The following PABPC4L variants were observed in gnomAD, a reference collection of about 807,000 sequenced individuals.
The protein encoded by PABPC4L is polyadenylate-binding protein 4-like.
For synonymous variants in PABPC4L, 169 were observed against 164.1 expected (o/e 1.03, Z -0.23); for missense variants, 452 against 451.4 (o/e 1.00, Z -0.01).
chr4:134,006,569 C>A, the PABPC4L span, among the ~76,000 whole-genome samples: 1 of 151,844 alleles, frequency 6.6e-6, no homozygotes, highest in Non-Finnish European at 1.5e-5. Context: ...TATGCTTGTG[C>A]CTACAGCAAG....
chr4:133,951,562 AG>A, the PABPC4L span, among the ~76,000 whole-genome samples: 1 of 152,186 alleles, frequency 6.6e-6, no homozygotes, highest in Non-Finnish European at 1.5e-5. Flanking sequence ...AGGATCAAGA[AG>A]CTTGGAGATA....
rs1316114960 is a variant in PABPC4L at position 134,200,498 on chromosome 4, G to A, written c.522C>T (p.Asn174=). 1 of 1,551,550 alleles carries A rather than the reference G, an allele frequency of 6.4e-7. No homozygotes were observed. Among genetic ancestry groups the A allele is most frequent in the Non-Finnish European group, 8.7e-7 (1 of 1,146,976 alleles). Residue 174 remains asparagine (N), a synonymous_variant, in exon 2 of 2, where the codon AAC becomes AAT. Coordinates refer to ENST00000421491, the MANE Select transcript of PABPC4L (RefSeq NM_001114734.2). The part of the protein sequence containing the change: ...GCKVFVGRFK[N]RKDREAELRS... ...TGAGTTCAGCTTCACGATCTTTTCG[G>A]TTTTTGAATCTGCCAACAAACACCT... is the stretch of plus-strand genomic sequence containing the variant.
At chr4:134,082,621 T>G in the PABPC4L span, among the ~76,000 whole-genome samples, 1 of 152,120 alleles carries the variant, frequency 6.6e-6, no homozygotes, top group Admixed American at 6.6e-5. Flanking sequence ...AAGAACAAAA[T>G]AAGCATAATC....
the PABPC4L span, among the ~76,000 whole-genome samples, chr4:134,082,055 A>G: frequency 6.6e-6 from 1 of 152,174 alleles, no homozygotes; most frequent in Non-Finnish European, 1.5e-5. Flanking sequence ...GAGGAAATAA[A>G]GACAAAGTGA....
chr4:134,052,173 A>T, the PABPC4L span, among the ~76,000 whole-genome samples: 1 of 151,922 alleles, frequency 6.6e-6, no homozygotes, highest in Non-Finnish European at 1.5e-5. Context: ...GGGATACATC[A>T]CCTCCCTAGG....
At chr4:134,099,186 GT>G in the PABPC4L span, among the ~76,000 whole-genome samples, 1 of 151,590 alleles carries the variant, frequency 6.6e-6, no homozygotes, top group Non-Finnish European at 1.5e-5. Flanking sequence ...TAAAATATAC[GT>G]GGTGATAATA....
the PABPC4L span, among the ~76,000 whole-genome samples, chr4:134,097,159 T>G: frequency 6.6e-6 from 1 of 151,896 alleles, no homozygotes; most frequent in Non-Finnish European, 1.5e-5. Context: ...CTTGGCAAAT[T>G]TTGCCTATTA....
the PABPC4L span, among the ~76,000 whole-genome samples, chr4:134,128,177 C>T: frequency 5.3e-5 from 8 of 152,006 alleles, no homozygotes; most frequent in South Asian, 1.0e-3. Flanking sequence ...AACGACCAAA[C>T]CTAAGAATAA....
chr4:134,071,047 C>T, the PABPC4L span, among the ~76,000 whole-genome samples: 3 of 152,104 alleles, frequency 2.0e-5, no homozygotes, highest in Non-Finnish European at 4.4e-5. Flanking sequence ...GAGTACTGTT[C>T]CTGCCACCTC....
chr4:133,994,019 C>T, the PABPC4L span, among the ~76,000 whole-genome samples: 1 of 152,226 alleles, frequency 6.6e-6, no homozygotes, highest in Admixed American at 6.5e-5. Flanking sequence ...AATATTAAGG[C>T]TCCAACCTCA....
chr4:134,174,412 C>A, the PABPC4L span, among the ~76,000 whole-genome samples: 1 of 152,056 alleles, frequency 6.6e-6, no homozygotes, highest in South Asian at 2.1e-4. Context: ...ATGTGCTATA[C>A]TTTTACACCA....
chr4:134,015,637 G>A, the PABPC4L span, among the ~76,000 whole-genome samples: 6 of 152,192 alleles, frequency 3.9e-5, no homozygotes, highest in Admixed American at 1.3e-4. Context: ...TCTCCCTGCT[G>A]AGCGTGTCTG....
chr4:134,180,675 CA>C, the PABPC4L span, among the ~76,000 whole-genome samples: 1 of 151,098 alleles, frequency 6.6e-6, no homozygotes, highest in African/African-American at 2.4e-5. Context: ...CAAATAAATA[CA>C]AGCAGAAAAG....
the PABPC4L span, among the ~76,000 whole-genome samples, chr4:134,061,049 T>A: frequency 6.6e-6 from 1 of 152,010 alleles, no homozygotes; most frequent in Non-Finnish European, 1.5e-5. Flanking sequence ...AATAATTCAA[T>A]TGTGCATTTA....
the PABPC4L span, among the ~76,000 whole-genome samples, chr4:134,136,795 T>C: frequency 2.0e-5 from 3 of 152,090 alleles, no homozygotes; most frequent in Non-Finnish European, 2.9e-5. Context: ...TCTTTATTTT[T>C]CTTTCTAATT....
At chr4:134,124,321 T>C in the PABPC4L span, among the ~76,000 whole-genome samples, 30 of 152,074 alleles carry the variant, frequency 2.0e-4, no homozygotes, top group Non-Finnish European at 4.3e-4. Flanking sequence ...TTTTATCTAA[T>C]AACTACTAAA....
the PABPC4L span, among the ~76,000 whole-genome samples, chr4:133,999,060 T>C: frequency 1.2e-4 from 18 of 152,026 alleles, no homozygotes; most frequent in Non-Finnish European, 5.9e-5. Context: ...AATCTGAACA[T>C]ATAGACCTTG....
the PABPC4L span, among the ~76,000 whole-genome samples, chr4:133,997,745 G>A: frequency 2.0e-5 from 3 of 151,990 alleles, no homozygotes; most frequent in East Asian, 5.8e-4. Flanking sequence ...CAGATGTGGT[G>A]GAAACAACAA....
chr4:134,104,780 C>G, the PABPC4L span, among the ~76,000 whole-genome samples: 1 of 151,642 alleles, frequency 6.6e-6, no homozygotes, highest in African/African-American at 2.4e-5. Context: ...AGCCATTTTC[C>G]TCAACATGAT....
Sources: gnomAD v4.1 joint callset for allele counts (sites outside exome capture counted in the v4.1 genomes callset) on GRCh38, gnomAD v4.1.1 for gene constraint, MANE v1.5 for transcripts, NCBI Gene and HGNC (gene_info 2026-07-23, HGNC 2026-07-21) for gene names.